The following SLC24A3 variants were observed in gnomAD, a reference collection of about 807,000 sequenced individuals.
SLC24A3 encodes the protein solute carrier family 24 member 3.
A neutral mutation model predicts 75.8 loss-of-function variants in SLC24A3; 28 were observed. That is an observed-to-expected ratio of 0.37 (90% CI 0.27 to 0.51). The LOEUF (loss-of-function observed/expected upper bound fraction) is 0.51. Among genes scored for constraint, SLC24A3 ranks in the 20% least tolerant of loss-of-function variants. The probability of loss-of-function intolerance (pLI) is 0.94; values close to 1 mark genes in which losing one functional copy is unlikely to be tolerated. For missense variants in SLC24A3, 663 were observed against 847.8 expected, an observed-to-expected ratio of 0.78 and a Z score of 2.71; for synonymous variants, 372 against 334.1, an observed-to-expected ratio of 1.11 and a Z score of -1.24.
At chr20:19,250,954 A>C (rs1485892546) in intron 1 of SLC24A3, among the ~76,000 whole-genome samples, 1 of 152,182 alleles carries the variant, frequency 6.6e-6, no homozygotes, top group African/African-American at 2.4e-5. Flanking sequence ...TTGATGTTAG[A>C]GCTGAATTTT....
Position 19,684,635 on chromosome 20 carries a change from T to G in SLC24A3, c.1062+299T>G, listed in dbSNP as rs184556371. Among the ~76,000 whole-genome samples, 129 of 152,304 alleles carry G rather than the reference T, an allele frequency of 8.5e-4. 1 individual carries two copies. Among genetic ancestry groups the G allele is most frequent in the African/African-American group, 2.9e-3 (122 of 41,558 alleles). On this transcript the variant is annotated intron_variant, in intron 11 of 16. Transcript: ENST00000328041. ...TTGAATAAAGCCCCCTGATATGAAC[T>G]TGCACAGAAATTGTTTCTAACTAAG...
At chr20:19,565,288 G>A (rs2030937110) in intron 3 of SLC24A3, among the ~76,000 whole-genome samples, 1 of 152,064 alleles carries the variant, frequency 6.6e-6, no homozygotes, top group Non-Finnish European at 1.5e-5. Context: ...CAGCAGCTCT[G>A]TGTGCTTTGC....
chr20:19,308,267 G>A (rs1048317399), intron 2 of SLC24A3, among the ~76,000 whole-genome samples: 13 of 152,190 alleles, frequency 8.5e-5, no homozygotes, highest in Admixed American at 2.6e-4. Context: ...GACCAACTTT[G>A]ATGTCACCAA....
At position 19,354,590 on chromosome 20, in the gene SLC24A3, G is replaced by GTGTA. The variant is rs758779235; in HGVS notation, c.271+73506_271+73507insATGT. Among the ~76,000 whole-genome samples the GTGTA allele has an allele frequency of 2.1e-3, 253 of 120,650 alleles. 1 individual carries two copies. Among genetic ancestry groups the GTGTA allele is most frequent in the African/African-American group, 1.0e-2 (240 of 24,060 alleles). 79.2% of individuals were successfully genotyped at this position (120,650 alleles called of 152,430 possible). On this transcript the variant is annotated intron_variant, in intron 2 of 16. Transcript: ENST00000328041. The stretch of plus-strand genomic sequence containing the variant: ...TGGACTTCATAAAAAATTTGTGTAT[G>GTGTA]TGTGTGTGTGTGTGTGTGTGTGTGT...
intron 2 of SLC24A3, among the ~76,000 whole-genome samples, chr20:19,506,774 T>G (rs1988468080): frequency 6.6e-6 from 1 of 152,316 alleles, no homozygotes; most frequent in South Asian, 2.1e-4. Flanking sequence ...TGATAAGGGC[T>G]GTGTACCTTT....
chr20:19,500,903 T>C (rs1454077190), intron 2 of SLC24A3, among the ~76,000 whole-genome samples: 2 of 152,234 alleles, frequency 1.3e-5, no homozygotes, highest in African/African-American at 4.8e-5. Context: ...TGTAAATGTA[T>C]ACATTTGCAT....
chr20:19,512,382 C>T (rs983227763), intron 2 of SLC24A3, among the ~76,000 whole-genome samples: 14 of 152,194 alleles, frequency 9.2e-5, no homozygotes, highest in African/African-American at 1.7e-4. Flanking sequence ...CAGCATGGGG[C>T]CCTTTGGGTC....
intron 1 of SLC24A3, among the ~76,000 whole-genome samples, chr20:19,272,311 G>A (rs554650778): frequency 1.3e-5 from 2 of 152,388 alleles, no homozygotes; most frequent in South Asian, 4.1e-4. Context: ...GTTGAAGACT[G>A]CATATTGGGC....
At chr20:19,295,555 T>C (rs1984037787) in intron 2 of SLC24A3, among the ~76,000 whole-genome samples, 1 of 152,236 alleles carries the variant, frequency 6.6e-6, no homozygotes, top group Non-Finnish European at 1.5e-5. Flanking sequence ...TGAGAGTTTT[T>C]AACATGAAGG....
intron 2 of SLC24A3, among the ~76,000 whole-genome samples, chr20:19,388,023 A>G (rs1344998791): frequency 7.2e-5 from 11 of 152,186 alleles, no homozygotes; most frequent in Non-Finnish European, 1.6e-4. Context: ...TGATACAGGT[A>G]TGCAATGCAT....
intron 2 of SLC24A3, among the ~76,000 whole-genome samples, chr20:19,451,045 T>C (rs1253771541): frequency 6.6e-6 from 1 of 152,204 alleles, no homozygotes; most frequent in Non-Finnish European, 1.5e-5. Flanking sequence ...TTCTGGGGTT[T>C]TGTTAATGCT....
rs543344189 is a variant in SLC24A3 at position 19,409,898 on chromosome 20, C to G, written c.272-105590C>G. Among the ~76,000 whole-genome samples, 197 of 151,038 alleles carry G rather than the reference C, an allele frequency of 1.3e-3. 1 individual carries two copies. Among genetic ancestry groups the G allele is most frequent in the Middle Eastern group, 3.5e-3 (1 of 282 alleles). ...AAAAAATGTCCTGGCATAGAGTGGT[C>G]CAAAATGTTATTAGTGGAAGTCTTT... On this transcript the variant is annotated intron_variant, in intron 2 of 16. Coordinates refer to ENST00000328041, the MANE Select transcript of SLC24A3 (RefSeq NM_020689.4).
intron 2 of SLC24A3, among the ~76,000 whole-genome samples, chr20:19,452,828 A>G (rs188533981): frequency 6.6e-6 from 1 of 152,050 alleles, no homozygotes; most frequent in East Asian, 2.0e-4. Context: ...CAGCCTGGGC[A>G]ACATAACAAG....
At chr20:19,694,349 G>A (rs972066656) in intron 13 of SLC24A3, 4 of 152,120 alleles carry the variant, frequency 2.6e-5, no homozygotes, top group Non-Finnish European at 5.9e-5. Context: ...ATAAATTCTG[G>A]AGAATTAAAC....
At chr20:19,635,515 A>G (rs2031989666) in intron 6 of SLC24A3, among the ~76,000 whole-genome samples, 1 of 152,246 alleles carries the variant, frequency 6.6e-6, no homozygotes, top group African/African-American at 2.4e-5. Context: ...GTTATGTAAA[A>G]CAACCACCAC....
chr20:19,686,877 A>G (rs1391331601), intron 12 of SLC24A3, among the ~76,000 whole-genome samples: 1 of 152,238 alleles, frequency 6.6e-6, no homozygotes, highest in Admixed American at 6.5e-5. Flanking sequence ...CTTCATAGAA[A>G]AAATGTACAC....
At chr20:19,593,193 A>G (rs1379844016) in intron 6 of SLC24A3, among the ~76,000 whole-genome samples, 1 of 152,166 alleles carries the variant, frequency 6.6e-6, no homozygotes, top group Non-Finnish European at 1.5e-5. Context: ...CACAAATGTC[A>G]TTTCTTTCCA....
At chr20:19,588,089 C>T (rs548106549) in intron 6 of SLC24A3, among the ~76,000 whole-genome samples, 2 of 152,150 alleles carry the variant, frequency 1.3e-5, no homozygotes, top group East Asian at 1.9e-4. Context: ...AGGAGATGTT[C>T]GTAGAAAAAC....
rs1220531293 is a variant in SLC24A3, at chr20:19,382,805, G to A, written c.271+101718G>A. On this transcript the variant is annotated intron_variant, in intron 2 of 16. Coordinates refer to ENST00000328041, the MANE Select transcript of SLC24A3 (RefSeq NM_020689.4). ...GGGTTTGAAGAGGATTCAAGCAGGA[G>A]GTTGTTTGGTTGTAGCCAGGATAGA... 2.0e-5 allele frequency among the ~76,000 whole-genome samples: 3 copies of A among 152,152 alleles called. No homozygotes were observed. The East Asian group carries it at 5.8e-4, about 29-fold the overall frequency.
Sources: allele counts gnomAD v4.1 joint callset (sites outside exome capture counted in the v4.1 genomes callset), GRCh38; gene constraint gnomAD v4.1.1; transcripts MANE v1.5; gene names NCBI Gene and HGNC (gene_info 2026-07-23, HGNC 2026-07-21).